The following ARID1B variants were observed in gnomAD, a reference collection of about 807,000 sequenced individuals.
ARID1B encodes the protein AT-rich interaction domain 1B, also known as AT-rich interactive domain-containing protein 1B.
In ARID1B, 30 loss-of-function variants were observed where a neutral mutation model predicts 212.3. The observed-to-expected ratio is 0.14, with a 90% CI of 0.11 to 0.19. ARID1B has a LOEUF of 0.19. ARID1B is among the 10% of genes least tolerant of loss of function. The probability of loss-of-function intolerance (pLI) is 1.00; values close to 1 mark genes in which losing one functional copy is unlikely to be tolerated. For missense variants in ARID1B, 2,891 were observed against 3,204.0 expected (o/e 0.90, Z 2.36); for synonymous variants, 1,402 against 1,301.7 (o/e 1.08, Z -1.66).
intron 4 of ARID1B, among the ~76,000 whole-genome samples, chr6:157,082,280 C>T (rs574789915): frequency 2.0e-5 from 3 of 152,194 alleles, no homozygotes; most frequent in East Asian, 1.9e-4. Flanking sequence ...TGTGAGTACA[C>T]GTGGTTCTTT....
intron 5 of ARID1B, among the ~76,000 whole-genome samples, chr6:157,109,088 C>G (rs1350981594): frequency 6.6e-6 from 1 of 152,146 alleles, no homozygotes; most frequent in Non-Finnish European, 1.5e-5. Flanking sequence ...ACAGATACCC[C>G]GTGATTAGAC....
At chr6:156,840,707 GC>G (rs1166344262) in intron 2 of ARID1B, among the ~76,000 whole-genome samples, 22 of 152,164 alleles carry the variant, frequency 1.4e-4, no homozygotes, top group Admixed American at 1.4e-3. Flanking sequence ...TTTTAATGCT[GC>G]TTTTAGATTC....
intron 1 of ARID1B, among the ~76,000 whole-genome samples, chr6:156,790,665 C>T (rs1284840715): frequency 1.3e-5 from 2 of 152,104 alleles, no homozygotes; most frequent in Non-Finnish European, 2.9e-5. Flanking sequence ...CATCCCTTTC[C>T]CCCCATCTTA....
chr6:157,082,835 G>A (rs986241221), intron 4 of ARID1B, among the ~76,000 whole-genome samples: 2 of 152,266 alleles, frequency 1.3e-5, no homozygotes, highest in South Asian at 2.1e-4. Flanking sequence ...GAATGAAGAC[G>A]TTTTCTGTTT....
At position 157,207,763 on chromosome 6, in the gene ARID1B, G is replaced by A. The variant is rs2128399337; in HGVS notation, c.6991G>A (p.Val2331Met). ...AAKALLAMAR[V>M]DENRSEFLLH... ...CAAGGCTTTGCTAGCCATGGCCAGA[G>A]TGGACGAAAACCGCTCGGAATTCCT... Residue 2331 changes from valine to methionine, a missense_variant, in exon 20 of 20, where the codon GTG (valine) becomes ATG (methionine). Physicochemically the swap from Val to Met is conservative, Grantham distance 21. Coordinates refer to ENST00000636930, the MANE Select transcript of ARID1B (RefSeq NM_001374828.1). The surrounding 1 kb of genome is among the most constrained non-coding windows in gnomAD (Gnocchi z 8.5). The A allele has an allele frequency of 6.3e-7, 1 of 1,580,670 alleles. No homozygotes were observed. Among genetic ancestry groups the A allele is most frequent in the African/African-American group, 1.3e-5 (1 of 74,086 alleles).
intron 4 of ARID1B, among the ~76,000 whole-genome samples, chr6:157,039,771 ACCTACCTT>A (rs1412996764): frequency 9.5e-5 from 8 of 84,584 alleles, no homozygotes; most frequent in South Asian, 4.2e-4. Context: ...CTTCCTACCT[ACCTACCTT>A]CCTTCCTTCC....
intron 6 of ARID1B, among the ~76,000 whole-genome samples, chr6:157,120,381 G>A (rs1459290286): frequency 6.6e-6 from 1 of 152,152 alleles, no homozygotes; most frequent in Non-Finnish European, 1.5e-5. Flanking sequence ...CAAGTATCAG[G>A]CTCTGTGGTA....
At chr6:156,886,930 C>T (rs1787554384) in intron 2 of ARID1B, among the ~76,000 whole-genome samples, 1 of 152,174 alleles carries the variant, frequency 6.6e-6, no homozygotes, top group African/African-American at 2.4e-5. Flanking sequence ...GAACAAGCTG[C>T]AAGGAGTTAG....
chr6:157,015,037 C>G (rs533068140), intron 4 of ARID1B, among the ~76,000 whole-genome samples: 36 of 152,136 alleles, frequency 2.4e-4, no homozygotes, highest in Non-Finnish European at 5.3e-4. Context: ...CTGGGAAAGA[C>G]GAGATGACAT....
intron 1 of ARID1B, among the ~76,000 whole-genome samples, chr6:156,799,500 A>G (rs149035033): frequency 6.6e-6 from 1 of 152,186 alleles, no homozygotes; most frequent in Admixed American, 6.5e-5. Context: ...ATATTTGGAC[A>G]CGGAGTCTTG....
intron 4 of ARID1B, chr6:156,939,544 T>C (rs1025316643): frequency 1.3e-5 from 2 of 152,192 alleles, no homozygotes; most frequent in Non-Finnish European, 2.9e-5. Context: ...AAAAATTATT[T>C]TAAAATAAAT....
At chr6:157,007,898 G>C (rs1303689874) in intron 4 of ARID1B, among the ~76,000 whole-genome samples, 1 of 152,038 alleles carries the variant, frequency 6.6e-6, no homozygotes, top group East Asian at 1.9e-4. Context: ...GGATGGTCTC[G>C]ATCTCCTGAC....
chr6:156,887,923 A>C (rs1456187198), intron 2 of ARID1B, among the ~76,000 whole-genome samples: 1 of 152,166 alleles, frequency 6.6e-6, no homozygotes, highest in Non-Finnish European at 1.5e-5. Context: ...TCCCCTTCCA[A>C]ATTGGAAGAT....
chr6:156,813,737 C>A (rs1013912259), intron 1 of ARID1B, among the ~76,000 whole-genome samples: 7 of 152,136 alleles, frequency 4.6e-5, no homozygotes, highest in African/African-American at 1.7e-4. Flanking sequence ...AGGAGTGACC[C>A]TAGACATATA....
At chr6:157,154,825 C>T (rs1411526876) in intron 8 of ARID1B, among the ~76,000 whole-genome samples, 1 of 152,122 alleles carries the variant, frequency 6.6e-6, no homozygotes, top group Non-Finnish European at 1.5e-5. Flanking sequence ...TCGTGATCCA[C>T]CCGCCTCGGC....
chr6:157,059,381 C>T (rs9383819), intron 4 of ARID1B, among the ~76,000 whole-genome samples: 30,645 of 152,006 alleles, frequency 0.2, 3,352 homozygotes, highest in East Asian at 0.4. Context: ...AGTTACTTAT[C>T]GTGTTTTCCT....
intron 2 of ARID1B, among the ~76,000 whole-genome samples, chr6:156,873,445 T>C (rs540527493): frequency 6.6e-6 from 1 of 152,356 alleles, no homozygotes; most frequent in South Asian, 2.1e-4. Context: ...AAAGCATATT[T>C]AGTCACAAAT....
rs963639621 is a variant in ARID1B, at chr6:156,777,954, G to A, written c.274G>A (p.Ala92Thr). 2.0e-4 allele frequency: 304 copies of A among 1,529,186 alleles called. 2 individuals are homozygous for A. The highest frequency in any genetic ancestry group is 4.6e-5 in the Non-Finnish European group (53 of 1,144,490). The allele number at this position is 1,529,186 out of a possible 1,614,324, so 94.7% of individuals were successfully genotyped here. ...CATGGCCCATAACGCGGGCGCCGCG[G>A]CCGCCGCCGGCACCCACAGCGCCAA... ...LNMAHNAGAA[A>T]AAGTHSAKSG... The change falls in exon 1 of 20, where the codon GCC (alanine) becomes ACC (threonine). Residue 92 changes from alanine to threonine, a missense_variant. Coordinates refer to ENST00000636930, the MANE Select transcript of ARID1B (RefSeq NM_001374828.1).
chr6:157,015,241 A>G (rs1231825216), intron 4 of ARID1B, among the ~76,000 whole-genome samples: 3 of 152,258 alleles, frequency 2.0e-5, no homozygotes. Flanking sequence ...GGAGAAATGG[A>G]TAAGTCCCGG....
Sources: gnomAD v4.1 joint callset for allele counts (sites outside exome capture counted in the v4.1 genomes callset) on GRCh38, gnomAD v4.1.1 for gene constraint, Gnocchi (gnomAD v3.1) non-coding constraint, MANE v1.5 for transcripts, NCBI Gene and HGNC (gene_info 2026-07-23, HGNC 2026-07-21) for gene names.